The following CDH13 variants were observed in gnomAD, a reference collection of about 807,000 sequenced individuals.
CDH13 encodes cadherin-13.
A neutral mutation model predicts 63.8 loss-of-function variants in CDH13; 24 were observed. The ratio of observed to expected loss-of-function variants is 0.38; its 90% CI spans 0.27 to 0.53. The LOEUF is 0.53. Among genes scored for constraint, CDH13 ranks in the 20% least tolerant of loss-of-function variants. The pLI is 0.85. For missense variants in CDH13, 1,049 were observed against 903.1 expected, an observed-to-expected ratio of 1.16 and a Z score of -2.07; for synonymous variants, 503 against 355.3, an observed-to-expected ratio of 1.42 and a Z score of -4.67.
At chr16:82,930,483 CT>C (rs1456205641) in intron 2 of CDH13, among the ~76,000 whole-genome samples, 2 of 151,922 alleles carry the variant, frequency 1.3e-5, no homozygotes, top group African/African-American at 4.8e-5. Flanking sequence ...CTTGAAGTAA[CT>C]TTATGGTTTG....
chr16:82,867,756 A>C (rs2040200739), intron 2 of CDH13, among the ~76,000 whole-genome samples: 1 of 152,246 alleles, frequency 6.6e-6, no homozygotes, highest in Non-Finnish European at 1.5e-5. Context: ...ATACACTGTC[A>C]GTGAATTTAA....
intron 5 of CDH13, among the ~76,000 whole-genome samples, chr16:83,258,914 C>T (rs1375909700): frequency 2.0e-5 from 3 of 152,232 alleles, no homozygotes; most frequent in Non-Finnish European, 4.4e-5. Flanking sequence ...ACTGCCTCTC[C>T]TTCCACCTTT....
intron 2 of CDH13, among the ~76,000 whole-genome samples, chr16:82,938,137 A>G (rs527574770): frequency 6.6e-6 from 1 of 152,370 alleles, no homozygotes; most frequent in Admixed American, 6.5e-5. Context: ...TCTGGGAAGA[A>G]TGTATCTTAA....
At chr16:83,237,471 A>G (rs1597574132) in intron 5 of CDH13, among the ~76,000 whole-genome samples, 1 of 152,254 alleles carries the variant, frequency 6.6e-6, no homozygotes, top group Admixed American at 6.5e-5. Context: ...GCACCGTCCA[A>G]TAAGGAAGCC....
In CDH13 at chr16:82,731,233, C is replaced by T. The variant is rs574123479; in HGVS notation, c.45+104096C>T. ...GGAGTATCCTAGGCTTTGTGGGCAC[C>T]GAACCCTCTGTTGCAATTACTCAAC... On this transcript the variant is annotated intron_variant, in intron 1 of 13. Coordinates refer to ENST00000567109, the MANE Select transcript of CDH13 (RefSeq NM_001257.5). 7.2e-5 allele frequency among the ~76,000 whole-genome samples: 11 copies of T among 152,178 alleles called. No homozygotes were observed. The South Asian group carries it at 1.9e-3, about 26-fold the overall frequency.
chr16:82,727,648 CT>C (rs2033173358), intron 1 of CDH13: 1 of 152,164 alleles, frequency 6.6e-6, no homozygotes, highest in African/African-American at 2.4e-5. Flanking sequence ...GGATAAAAGA[CT>C]GGAGAAAGTG....
At chr16:83,312,967 C>T (rs777754109) in intron 5 of CDH13, among the ~76,000 whole-genome samples, 2 of 152,130 alleles carry the variant, frequency 1.3e-5, no homozygotes, top group Non-Finnish European at 2.9e-5. Context: ...ATAAGTTTTC[C>T]CAGTGCTTGC....
At chr16:83,066,769 G>A (rs1041973508) in intron 3 of CDH13, among the ~76,000 whole-genome samples, 3 of 152,180 alleles carry the variant, frequency 2.0e-5, no homozygotes, top group African/African-American at 7.2e-5. Context: ...CACAGAGACT[G>A]GAATGCTCAA....
intron 1 of CDH13, among the ~76,000 whole-genome samples, chr16:82,805,957 A>C (rs2037117980): frequency 6.6e-6 from 1 of 152,154 alleles, no homozygotes; most frequent in South Asian, 2.1e-4. Context: ...ACTTTAGCAA[A>C]GTCCATTCAT....
chr16:82,871,347 C>G (rs2040335545), intron 2 of CDH13, among the ~76,000 whole-genome samples: 1 of 152,016 alleles, frequency 6.6e-6, no homozygotes, highest in Non-Finnish European at 1.5e-5. Flanking sequence ...TGCCATGGAG[C>G]CATTTCAGAA....
At chr16:83,241,821 CATAA>C in intron 5 of CDH13, among the ~76,000 whole-genome samples, 2 of 152,188 alleles carry the variant, frequency 1.3e-5, no homozygotes, top group Middle Eastern at 3.4e-3. Context: ...CTTTGATGAG[CATAA>C]GTTTTTAAGT....
At chr16:83,637,138 C>A (rs1281668266) in intron 8 of CDH13, among the ~76,000 whole-genome samples, 9 of 152,120 alleles carry the variant, frequency 5.9e-5, no homozygotes, top group Non-Finnish European at 1.3e-4. Flanking sequence ...ACAGTTTGAA[C>A]TCAACAGCTT....
At chr16:83,263,601 T>C (rs1015754011) in intron 5 of CDH13, among the ~76,000 whole-genome samples, 1 of 152,218 alleles carries the variant, frequency 6.6e-6, no homozygotes, top group African/African-American at 2.4e-5. Context: ...ACTTAAAATA[T>C]GATCTTCGTG....
At chr16:82,791,063 C>T (rs9921292) in intron 1 of CDH13, among the ~76,000 whole-genome samples, 1 of 152,084 alleles carries the variant, frequency 6.6e-6, no homozygotes, top group Non-Finnish European at 1.5e-5. Flanking sequence ...CAGTGAAATT[C>T]CGTCTTTACT....
At chr16:83,301,147 T>A (rs2089732158) in intron 5 of CDH13, among the ~76,000 whole-genome samples, 1 of 146,228 alleles carries the variant, frequency 6.8e-6, no homozygotes, top group Non-Finnish European at 1.5e-5. Context: ...TTCTCCTGCC[T>A]CAGCCTCCCA....
chr16:83,132,054 A>G (rs2036078048), intron 4 of CDH13, among the ~76,000 whole-genome samples: 1 of 152,280 alleles, frequency 6.6e-6, no homozygotes, highest in Middle Eastern at 3.4e-3. Context: ...TGTACCTGAG[A>G]TTTATGCCCA....
At chr16:83,127,095 C>T (rs2035844352) in intron 4 of CDH13, among the ~76,000 whole-genome samples, 1 of 152,090 alleles carries the variant, frequency 6.6e-6, no homozygotes, top group African/African-American at 2.4e-5. Flanking sequence ...GCATCTTTGG[C>T]AGAGGTGAGT....
intron 7 of CDH13, among the ~76,000 whole-genome samples, chr16:83,561,464 T>C (rs4511515): frequency 1 from 149,839 of 149,932 alleles, 74,873 homozygotes; most frequent in Non-Finnish European, 1. Flanking sequence ...CAAGGGAGGC[T>C]ATGCTATCAA....
At chr16:83,170,641 G>C (rs917296127) in intron 4 of CDH13, among the ~76,000 whole-genome samples, 5 of 152,068 alleles carry the variant, frequency 3.3e-5, no homozygotes, top group African/African-American at 1.2e-4. Flanking sequence ...TTTTGCTTTG[G>C]AAGATCCTGA....
Sources: allele counts gnomAD v4.1 joint callset (sites outside exome capture counted in the v4.1 genomes callset), GRCh38; gene constraint gnomAD v4.1.1; transcripts MANE v1.5; gene names NCBI Gene and HGNC (gene_info 2026-07-23, HGNC 2026-07-21).